The following IGF2BP3 variants were observed in gnomAD, a reference collection of about 807,000 sequenced individuals.
IGF2BP3 encodes insulin like growth factor 2 mRNA binding protein 3.
A neutral mutation model predicts 73.8 loss-of-function variants in IGF2BP3; 9 were observed. The ratio of observed to expected loss-of-function variants is 0.12; its 90% confidence interval spans 0.07 to 0.21. The LOEUF is 0.21. IGF2BP3 is among the 10% of genes least tolerant of loss of function. The pLI, the probability that IGF2BP3 is intolerant of heterozygous loss-of-function variation, is 1.00. For synonymous variants in IGF2BP3, 258 were observed against 256.7 expected (o/e 1.01, Z -0.05); for missense variants, 542 against 714.0 (o/e 0.76, Z 2.75).
At chr7:23,375,801 T>C (rs957542515) in intron 3 of IGF2BP3, among the ~76,000 whole-genome samples, 4 of 152,126 alleles carry the variant, frequency 2.6e-5, no homozygotes, top group African/African-American at 4.8e-5. Flanking sequence ...TAAAAGCAAC[T>C]GGAGGAGGAG....
intron 10 of IGF2BP3, among the ~76,000 whole-genome samples, chr7:23,330,550 A>G (rs1475636037): frequency 6.6e-6 from 1 of 151,822 alleles, no homozygotes; most frequent in Admixed American, 6.6e-5. Flanking sequence ...TCAAAATGCT[A>G]AAAAGGGCAT....
chr7:23,356,052 G>A (rs1424410745), intron 5 of IGF2BP3, among the ~76,000 whole-genome samples: 1 of 152,054 alleles, frequency 6.6e-6, no homozygotes, highest in Non-Finnish European at 1.5e-5. Context: ...GAAAAAAGGA[G>A]AAGAAATGAG....
chr7:23,428,307 T>C (rs563475052), intron 2 of IGF2BP3, among the ~76,000 whole-genome samples: 3 of 150,514 alleles, frequency 2.0e-5, no homozygotes, highest in African/African-American at 7.3e-5. Context: ...CCATCTCTAC[T>C]AAAAAGTACA....
intron 12 of IGF2BP3, among the ~76,000 whole-genome samples, chr7:23,314,047 G>T (rs1389044442): frequency 6.6e-6 from 1 of 152,106 alleles, no homozygotes; most frequent in Admixed American, 6.5e-5. Flanking sequence ...TTGGAGTCAG[G>T]GTCCTCCTGT....
intron 10 of IGF2BP3, 141 bp downstream of exon 10, chr7:23,341,923 T>C (rs1784722555): frequency 7.9e-6 from 7 of 886,206 alleles, no homozygotes; most frequent in African/African-American, 1.8e-5. Flanking sequence ...CCATGTCTAC[T>C]CCACAAAGGG....
At chr7:23,412,368 G>A (rs138131398) in intron 3 of IGF2BP3, among the ~76,000 whole-genome samples, 1 of 152,238 alleles carries the variant, frequency 6.6e-6, no homozygotes, top group East Asian at 1.9e-4. Context: ...GATCAATTAA[G>A]TCCAGGAAAA....
chr7:23,407,960 CGGGGGGGGG>C (rs57634623), intron 3 of IGF2BP3, among the ~76,000 whole-genome samples: 1 of 65,938 alleles, frequency 1.5e-5, no homozygotes, highest in East Asian at 6.0e-4. Context: ...GGGCGGGGGG[CGGGGGGGGG>C]GGGAGTCAAT....
intron 10 of IGF2BP3, among the ~76,000 whole-genome samples, chr7:23,329,287 A>G (rs770082375): frequency 1.2e-4 from 19 of 152,284 alleles, no homozygotes; most frequent in Admixed American, 2.6e-4. Flanking sequence ...CTTAACTTGG[A>G]TATCTTTTTT....
chr7:23,428,334 T>C (rs1787573912), intron 2 of IGF2BP3, among the ~76,000 whole-genome samples: 1 of 151,802 alleles, frequency 6.6e-6, no homozygotes, highest in Non-Finnish European at 1.5e-5. Context: ...TAGCCGAGCA[T>C]GGTGGCATGC....
chr7:23,334,058 G>A (rs772892117), intron 10 of IGF2BP3, among the ~76,000 whole-genome samples: 6 of 152,072 alleles, frequency 3.9e-5, no homozygotes, highest in Non-Finnish European at 7.4e-5. Flanking sequence ...GCCATGAGCC[G>A]GGTGCTGTGG....
At chr7:23,453,111 G>C (rs908477750) in intron 2 of IGF2BP3, among the ~76,000 whole-genome samples, 1 of 152,210 alleles carries the variant, frequency 6.6e-6, no homozygotes, top group Non-Finnish European at 1.5e-5. Context: ...CTGGGTGACA[G>C]AGCGAGACTC....
At position 23,316,697 on chromosome 7, in the gene IGF2BP3, GA is replaced by G. The variant is rs969070095; in HGVS notation, c.1395+941del. ...CTCAAAAAAAAAAAAAAAAAAAAGA[GA>G]AAAAAAAAACTACAGCTTAAGGTTA... is the stretch of plus-strand genomic sequence containing the variant. On this transcript the variant is annotated intron_variant, in intron 12 of 14. Transcript: ENST00000258729. 8.3e-4 allele frequency among the ~76,000 whole-genome samples: 113 copies of G among 135,880 alleles called. 1 individual carries two copies. The highest frequency in any genetic ancestry group is 2.2e-3 in the African/African-American group (79 of 36,718). 89.1% of individuals were successfully genotyped at this position (135,880 alleles called of 152,430 possible).
chr7:23,423,052 G>C (rs1403903489), intron 2 of IGF2BP3, among the ~76,000 whole-genome samples: 1 of 152,256 alleles, frequency 6.6e-6, no homozygotes, highest in Non-Finnish European at 1.5e-5. Context: ...TGGGATTGCA[G>C]GCGTGAGCCG....
chr7:23,329,130 A>G (rs1406589646), intron 10 of IGF2BP3, among the ~76,000 whole-genome samples: 1 of 151,828 alleles, frequency 6.6e-6, no homozygotes, highest in Non-Finnish European at 1.5e-5. Flanking sequence ...GGAGAATGGC[A>G]TGAACCCGGA....
rs543182975 is a variant in IGF2BP3 at position 23,403,524 on chromosome 7, C to T, written c.285+15252G>A. 2.0e-5 allele frequency among the ~76,000 whole-genome samples: 3 copies of T among 152,156 alleles called. No homozygotes were observed. The South Asian group carries it at 6.2e-4, about 32-fold the overall frequency. On this transcript the variant is annotated intron_variant, in intron 3 of 14. Transcript: ENST00000258729. The stretch of plus-strand genomic sequence containing the variant: ...TTACATAGGAGGAAATTATAGATCT[C>T]AATAAAAACACTGATGAAATTGGTG...
chr7:23,396,844 T>C (rs542058480), intron 3 of IGF2BP3, among the ~76,000 whole-genome samples: 1 of 152,288 alleles, frequency 6.6e-6, no homozygotes, highest in South Asian at 2.1e-4. Flanking sequence ...AAAGGACAAA[T>C]GCCTCCAAAA....
intron 11 of IGF2BP3, among the ~76,000 whole-genome samples, chr7:23,318,207 A>C (rs1784044162): frequency 6.6e-6 from 1 of 152,068 alleles, no homozygotes; most frequent in Non-Finnish European, 1.5e-5. Flanking sequence ...CCTAAGTTTC[A>C]AGGATACTGC....
intron 2 of IGF2BP3, among the ~76,000 whole-genome samples, chr7:23,423,946 C>T (rs1446676995): frequency 1.3e-5 from 2 of 151,656 alleles, no homozygotes; most frequent in African/African-American, 4.8e-5. Flanking sequence ...GGTGAAACCT[C>T]GTCTCTACTA....
chr7:23,334,801 G>A (rs1324633882), intron 10 of IGF2BP3, among the ~76,000 whole-genome samples: 3 of 152,110 alleles, frequency 2.0e-5, no homozygotes, highest in Non-Finnish European at 2.9e-5. Context: ...ATCATCTATC[G>A]TGAAGACATA....
Sources: allele counts gnomAD v4.1 joint callset (sites outside exome capture counted in the v4.1 genomes callset), GRCh38; gene constraint gnomAD v4.1.1; transcripts MANE v1.5; gene names NCBI Gene and HGNC (gene_info 2026-07-23, HGNC 2026-07-21).